Variants in USH2A observed in about 807,000 individuals in gnomAD.
USH2A encodes usherin, also known as Usher syndrome 2A (autosomal recessive, mild).
In USH2A, 443 loss-of-function variants were observed where a neutral mutation model predicts 538.9. That is an observed-to-expected ratio of 0.82 (90% CI 0.76 to 0.89). The LOEUF (loss-of-function observed/expected upper bound fraction) is 0.89. Among genes scored for constraint, USH2A ranks in the 40% least tolerant of loss-of-function variants. USH2A has a pLI of 0.00. For missense variants in USH2A, 6,633 were observed against 6,324.8 expected (o/e 1.05, Z -1.65); for synonymous variants, 2,413 against 2,273.5 (o/e 1.06, Z -1.75).
Position 215,878,905 on chromosome 1 carries a change from C to T in USH2A, c.8417G>A (p.Cys2806Tyr), listed in dbSNP as rs772875283. ...CSGGNGYLGG[C>Y]TESLPTYVTT... ...AACATAGGTAGGTAAACTCTCTGTG[C>T]ACCCTCCAAGGTACCCATTACCCCC... Residue 2806 changes from cysteine to tyrosine, a missense_variant, in exon 42 of 72, where the codon TGC (cysteine) becomes TAC (tyrosine). Coordinates refer to ENST00000307340, the MANE Select transcript of USH2A (RefSeq NM_206933.4). 6.2e-7 allele frequency: 1 copy of T among 1,614,006 alleles called. No individual in the cohort carries two copies. Among genetic ancestry groups the T allele is most frequent in the Non-Finnish European group, 8.5e-7 (1 of 1,179,964 alleles).
intron 21 of USH2A, among the ~76,000 whole-genome samples, chr1:216,156,784 A>G (rs1412300959): frequency 1.3e-5 from 2 of 152,202 alleles, no homozygotes; most frequent in African/African-American, 4.8e-5. Flanking sequence ...CAAAGTTCTA[A>G]TATGCAGAAC....
intron 29 of USH2A, among the ~76,000 whole-genome samples, chr1:216,070,606 A>G (rs2031526779): frequency 6.6e-6 from 1 of 152,192 alleles, no homozygotes; most frequent in Admixed American, 6.6e-5. Context: ...GATGGTAGGC[A>G]GATAACAAGT....
chr1:215,645,651 T>C (rs1656819421), intron 67 of USH2A, among the ~76,000 whole-genome samples: 1 of 152,228 alleles, frequency 6.6e-6, no homozygotes. Context: ...TTAAGCTCCT[T>C]GTGTGAGACA....
intron 3 of USH2A, among the ~76,000 whole-genome samples, chr1:216,395,240 A>G (rs1272925137): frequency 6.6e-6 from 1 of 152,274 alleles, no homozygotes; most frequent in Non-Finnish European, 1.5e-5. Flanking sequence ...TTAACAATCA[A>G]CCGAATGTTA....
At chr1:215,724,821 A>G (rs999743810) in intron 61 of USH2A, among the ~76,000 whole-genome samples, 1 of 152,166 alleles carries the variant, frequency 6.6e-6, no homozygotes, top group Non-Finnish European at 1.5e-5. Context: ...ATATTGACAT[A>G]TTGAATATAG....
intron 37 of USH2A, among the ~76,000 whole-genome samples, chr1:215,942,877 G>A (rs1455098017): frequency 6.6e-6 from 1 of 152,204 alleles, no homozygotes; most frequent in Non-Finnish European, 1.5e-5. Context: ...GCACTGTGCT[G>A]AGTTGGGGGA....
chr1:216,162,201 T>C (rs2034072291), intron 21 of USH2A, among the ~76,000 whole-genome samples: 1 of 152,042 alleles, frequency 6.6e-6, no homozygotes, highest in African/African-American at 2.4e-5. Context: ...TTTCATTTCC[T>C]TCTCGATATG....
chr1:215,857,398 A>T (rs1052939995), intron 44 of USH2A, among the ~76,000 whole-genome samples: 1 of 152,182 alleles, frequency 6.6e-6, no homozygotes, highest in Non-Finnish European at 1.5e-5. Context: ...TTTACTTCTC[A>T]TAAAGGGTTG....
chr1:216,043,238 C>A (rs2030366448), intron 32 of USH2A, among the ~76,000 whole-genome samples: 1 of 152,058 alleles, frequency 6.6e-6, no homozygotes, highest in Admixed American at 6.6e-5. Context: ...CTTAACCCAT[C>A]TAGGTCTCAG....
At chr1:215,952,923 GACAA>G (rs1399596225) in intron 37 of USH2A, among the ~76,000 whole-genome samples, 1 of 152,080 alleles carries the variant, frequency 6.6e-6, no homozygotes, top group African/African-American at 2.4e-5. Flanking sequence ...ACCAATAACA[GACAA>G]ACAGAGAGCC....
At chr1:215,732,517 CCTCTTT>C (rs1184239800) in intron 60 of USH2A, among the ~76,000 whole-genome samples, 1 of 140,354 alleles carries the variant, frequency 7.1e-6, no homozygotes, top group Non-Finnish European at 1.6e-5. Context: ...CCCTCCCAAT[CCTCTTT>C]CTTATTCTCC....
At chr1:215,780,077 A>G in intron 54 of USH2A, 36 bp from the exon 55 acceptor site, 1 of 1,605,030 alleles carries the variant, frequency 6.2e-7, no homozygotes, top group Non-Finnish European at 8.5e-7. Flanking sequence ...ATTTATTGTA[A>G]TAGTGCACTA....
intron 21 of USH2A, among the ~76,000 whole-genome samples, chr1:216,148,000 C>T (rs1004429772): frequency 3.1e-4 from 43 of 136,692 alleles, no homozygotes; most frequent in African/African-American, 9.9e-4. Flanking sequence ...CAGATCTTCT[C>T]GGCTTAGGGG....
intron 21 of USH2A, among the ~76,000 whole-genome samples, chr1:216,112,239 AT>A (rs1189676868): frequency 6.6e-6 from 1 of 152,068 alleles, no homozygotes; most frequent in African/African-American, 2.4e-5. Flanking sequence ...TTAAACATGT[AT>A]TTTTTCTTCC....
At chr1:215,819,780 C>T (rs888911385) in intron 47 of USH2A, among the ~76,000 whole-genome samples, 2 of 151,674 alleles carry the variant, frequency 1.3e-5, no homozygotes, top group Admixed American at 6.6e-5. Context: ...CCTATATTTT[C>T]GGCAAGAACA....
chr1:215,985,824 T>G (rs1466202715), intron 35 of USH2A, among the ~76,000 whole-genome samples: 2 of 152,136 alleles, frequency 1.3e-5, no homozygotes, highest in Non-Finnish European at 2.9e-5. Context: ...CACCCATTAT[T>G]GACAGAATAT....
At chr1:215,989,406 T>C (rs932112792) in intron 35 of USH2A, among the ~76,000 whole-genome samples, 1 of 152,168 alleles carries the variant, frequency 6.6e-6, no homozygotes, top group Non-Finnish European at 1.5e-5. Context: ...CCTGGCACCT[T>C]GTGCACCTCC....
chr1:215,805,409 T>A (rs973446066), intron 49 of USH2A, among the ~76,000 whole-genome samples: 1 of 152,054 alleles, frequency 6.6e-6, no homozygotes, highest in African/African-American at 2.4e-5. Flanking sequence ...AACAGAATGG[T>A]GGTTTCCAGG....
intron 23 of USH2A, among the ~76,000 whole-genome samples, chr1:216,088,706 T>A (rs1338618034): frequency 6.6e-6 from 1 of 152,188 alleles, no homozygotes; most frequent in East Asian, 1.9e-4. Flanking sequence ...CTCTACTGTA[T>A]GTGTTTTTTG....
Sources: gnomAD v4.1 joint callset for allele counts (sites outside exome capture counted in the v4.1 genomes callset) on GRCh38, gnomAD v4.1.1 for gene constraint, MANE v1.5 for transcripts, NCBI Gene and HGNC (gene_info 2026-07-23, HGNC 2026-07-21) for gene names.